ANK2: variants seen among roughly 807,000 people sequenced by gnomAD.
ANK2 encodes ankyrin-2.
ANK2 carries 83 observed loss-of-function variants against 360.5 expected under a neutral mutation model. The ratio of observed to expected loss-of-function variants is 0.23; its 90% CI spans 0.19 to 0.28. ANK2 has a LOEUF of 0.28. ANK2 is among the 10% of genes least tolerant of loss of function. The probability of loss-of-function intolerance (pLI) is 1.00; values close to 1 mark genes in which losing one functional copy is unlikely to be tolerated. For synonymous variants in ANK2, 1,740 were observed against 1,759.5 expected (o/e 0.99, Z 0.28); for missense variants, 4,201 against 4,795.7 (o/e 0.88, Z 3.66).
the ANK2 span, among the ~76,000 whole-genome samples, chr4:112,775,843 G>T: frequency 2.6e-5 from 4 of 152,152 alleles, no homozygotes; most frequent in African/African-American, 9.7e-5. Context: ...TCTTGGAGGC[G>T]GATGGGACTG....
chr4:112,721,625 G>GCTTCCAATT, the ANK2 span, among the ~76,000 whole-genome samples: 1 of 151,212 alleles, frequency 6.6e-6, no homozygotes, highest in African/African-American at 2.4e-5. Flanking sequence ...AAAGGTCTGA[G>GCTTCCAATT]CTTCCAATTT....
chr4:112,983,447 T>A (rs1457111042), intron 2 of ANK2, among the ~76,000 whole-genome samples: 1 of 150,626 alleles, frequency 6.6e-6, no homozygotes, highest in Non-Finnish European at 1.5e-5. Context: ...GAGGCCGAGA[T>A]GGGCAGATCA....
chr4:113,022,398 A>G lies in ANK2; in HGVS notation c.21+117884A>G, dbSNP rs2058366382. Among the ~76,000 whole-genome samples the G allele has an allele frequency of 2.0e-5, 3 of 152,140 alleles. No homozygotes were observed. The South Asian group carries it at 6.2e-4, about 32-fold the overall frequency. ...CAGGATAATCACATTTTCCAACTGGACAGGGCTCTAGTTCAAATGCTTCAC... is the reference window on the plus strand; with the variant it reads ...CAGGATAATCACATTTTCCAACTGGGCAGGGCTCTAGTTCAAATGCTTCAC... On this transcript the variant is annotated intron_variant, in intron 2 of 30. Coordinates refer to the ANK2 transcript ENST00000503271.
At chr4:113,180,068 G>A (rs2098361559) in intron 2 of ANK2, among the ~76,000 whole-genome samples, 1 of 152,232 alleles carries the variant, frequency 6.6e-6, no homozygotes, top group East Asian at 1.9e-4. Context: ...CAGAAGGCAA[G>A]GTCGAAGCAC....
intron 23 of ANK2, 150 bp downstream of exon 23, chr4:113,302,989 T>G: frequency 5.3e-6 from 4 of 750,932 alleles, no homozygotes; most frequent in Non-Finnish European, 9.1e-6. Context: ...TACATTTACT[T>G]TTGCCATGGC....
rs182687232 is a variant in ANK2, at chr4:113,051,913, T to C, written c.84+2101T>C. On this transcript the variant is annotated intron_variant, in intron 1 of 45. Coordinates refer to ENST00000357077, the MANE Select transcript of ANK2 (RefSeq NM_001148.6). ...GCAATAACTTTCAGGTGTTATTCTCTTAAATGGAATTTGTTTATTGCAATA... is the reference window on the plus strand; with the variant it reads ...GCAATAACTTTCAGGTGTTATTCTCCTAAATGGAATTTGTTTATTGCAATA... 3.8e-3 allele frequency among the ~76,000 whole-genome samples: 575 copies of C among 152,340 alleles called. 5 individuals carry two copies. Among genetic ancestry groups the C allele is most frequent in the African/African-American group, 0.013 (550 of 41,580 alleles).
At chr4:112,706,234 C>T in the ANK2 span, among the ~76,000 whole-genome samples, 1 of 152,076 alleles carries the variant, frequency 6.6e-6, no homozygotes, top group African/African-American at 2.4e-5. Flanking sequence ...GCACAAAGTG[C>T]GGGAGGGGCG....
rs1176403486 is a variant in ANK2 at position 113,255,747 on chromosome 4, C to T, written c.1003C>T (p.Pro335Ser). The T allele has an allele frequency of 1.2e-6, 2 of 1,614,076 alleles. No individual in the cohort carries two copies. The highest frequency in any genetic ancestry group is 2.2e-5 in the East Asian group (1 of 44,890). Residue 335 changes from proline to serine, a missense_variant, in exon 11 of 46, where the codon CCA becomes TCA. Coordinates refer to ENST00000357077, the MANE Select transcript of ANK2 (RefSeq NM_001148.6). ...TTTTAATGTGCAGAATGGGCTGTCTCCACTACACATGGCTGCCCAGGGAGA... is the reference window on the plus strand; with the variant it reads ...TTTTAATGTGCAGAATGGGCTGTCTTCACTACACATGGCTGCCCAGGGAGA... ...LLARTKNGLS[P>S]LHMAAQGDHV... is the part of the protein sequence containing the mutation.
chr4:112,806,126 C>A, the ANK2 span, among the ~76,000 whole-genome samples: 1 of 152,044 alleles, frequency 6.6e-6, no homozygotes, highest in Non-Finnish European at 1.5e-5. Context: ...ATTATAGTAA[C>A]CCTATTGTGT....
Position 113,091,369 on chromosome 4 carries a change from T to A in ANK2, c.84+41557T>A, listed in dbSNP as rs77745879. 9.7e-3 allele frequency among the ~76,000 whole-genome samples: 1,478 copies of A among 152,318 alleles called. 43 individuals carry two copies. In the East Asian group the frequency reaches 0.1, roughly 11 times the overall value. ...GGCAAACTAACTAAATAGTAGACCT[T>A]TCTTTTGATCAAATTTTGGATTGGC... On this transcript the variant is annotated intron_variant, in intron 1 of 45. Transcript: ENST00000357077.
chr4:113,097,879 C>CATATAT (rs1355191650), intron 1 of ANK2, among the ~76,000 whole-genome samples: 3 of 57,870 alleles, frequency 5.2e-5, no homozygotes, highest in South Asian at 6.7e-4. Flanking sequence ...TATATATGCA[C>CATATAT]ACACACACAC....
intron 2 of ANK2, among the ~76,000 whole-genome samples, chr4:112,914,773 G>C (rs1241968594): frequency 2.0e-5 from 3 of 152,164 alleles, no homozygotes; most frequent in Non-Finnish European, 4.4e-5. Context: ...GCTAGAAGGG[G>C]TTGGAAAGAG....
At chr4:113,196,855 T>A (rs1442608412) in intron 3 of ANK2, among the ~76,000 whole-genome samples, 1 of 152,196 alleles carries the variant, frequency 6.6e-6, no homozygotes, top group African/African-American at 2.4e-5. Flanking sequence ...ATTTCAGAGG[T>A]TGGCTAGAAC....
intron 2 of ANK2, among the ~76,000 whole-genome samples, chr4:112,955,783 G>A (rs2095303757): frequency 2.0e-5 from 3 of 152,200 alleles, no homozygotes; most frequent in African/African-American, 7.2e-5. Flanking sequence ...AGGGAGAGAA[G>A]GTAAAATGAA....
intron 21 of ANK2, chr4:113,292,980 T>C: frequency 2.8e-6 from 1 of 353,566 alleles, no homozygotes; most frequent in South Asian, 2.3e-5. Context: ...TTGCCTGTGT[T>C]ATTTTGCTGC....
At chr4:113,249,651 AT>A (rs1325684425) in intron 9 of ANK2, 112 bp from the exon 10 acceptor site, 2 of 962,276 alleles carry the variant, frequency 2.1e-6, no homozygotes, top group Non-Finnish European at 3.3e-6. Context: ...TCTATTACTT[AT>A]TTATTGAGTA....
chr4:113,301,073 G>A (rs1169875514), intron 22 of ANK2, among the ~76,000 whole-genome samples: 1 of 152,122 alleles, frequency 6.6e-6, no homozygotes, highest in Non-Finnish European at 1.5e-5. Context: ...TAACATCTAG[G>A]TCAAAGCCTA....
chr4:113,235,173 G>A (rs1481833147), intron 5 of ANK2, among the ~76,000 whole-genome samples: 1 of 152,138 alleles, frequency 6.6e-6, no homozygotes, highest in Admixed American at 6.5e-5. Context: ...CTATCACAGT[G>A]CTGCAGGAGG....
At chr4:113,274,720 A>G (rs1056841756) in intron 15 of ANK2, 71 bp downstream of exon 15, 4 of 1,509,460 alleles carry the variant, frequency 2.6e-6, no homozygotes, top group African/African-American at 1.4e-5. Context: ...GCTCTACCAC[A>G]TACAGAATCA....
Sources: allele counts gnomAD v4.1 joint callset (sites outside exome capture counted in the v4.1 genomes callset), GRCh38; gene constraint gnomAD v4.1.1; transcripts MANE v1.5; gene names NCBI Gene and HGNC (gene_info 2026-07-23, HGNC 2026-07-21).